Variants in EXOC2 observed in about 807,000 individuals in gnomAD.
EXOC2 encodes SEC5-like 1.
A neutral mutation model predicts 131.8 loss-of-function variants in EXOC2; 70 were observed. That is an observed-to-expected ratio of 0.53 (90% CI 0.44 to 0.65). The LOEUF is 0.65. Ranked by LOEUF, EXOC2 falls within the 30% of genes least tolerant of loss-of-function variation. The probability of loss-of-function intolerance (pLI) is 0.00; values close to 1 mark genes in which losing one functional copy is unlikely to be tolerated. For synonymous variants in EXOC2, 411 were observed against 398.4 expected, an observed-to-expected ratio of 1.03 and a Z score of -0.38; for missense variants, 923 against 1,108.6, an observed-to-expected ratio of 0.83 and a Z score of 2.38.
intron 7 of EXOC2, among the ~76,000 whole-genome samples, chr6:604,262 C>A (rs532384183): frequency 5.9e-5 from 9 of 152,306 alleles, no homozygotes; most frequent in African/African-American, 2.2e-4. Context: ...ATCTGTAAAT[C>A]ACCAATGACT....
At chr6:681,713 G>C (rs1764411979) in intron 1 of EXOC2, among the ~76,000 whole-genome samples, 1 of 152,284 alleles carries the variant, frequency 6.6e-6, no homozygotes, top group East Asian at 1.9e-4. Context: ...CAGTTCTAAT[G>C]AAAAGTGCAA....
intron 21 of EXOC2, among the ~76,000 whole-genome samples, chr6:549,730 A>C (rs1251308261): frequency 6.6e-6 from 1 of 152,244 alleles, no homozygotes; most frequent in Non-Finnish European, 1.5e-5. Context: ...GTAGTTTATA[A>C]ATTTTTATAA....
chr6:488,249 C>T (rs1763202339), intron 27 of EXOC2, among the ~76,000 whole-genome samples: 1 of 152,218 alleles, frequency 6.6e-6, no homozygotes, highest in Non-Finnish European at 1.5e-5. Flanking sequence ...ACTGAGTCTG[C>T]ACTGCATTCA....
intron 1 of EXOC2, among the ~76,000 whole-genome samples, chr6:691,099 C>G (rs763508721): frequency 3.3e-5 from 5 of 152,190 alleles, no homozygotes; most frequent in Non-Finnish European, 7.3e-5. Flanking sequence ...ACCTCTGTAA[C>G]CAGCACTTCC....
intron 6 of EXOC2, 66 bp downstream of exon 6, chr6:617,645 C>T (rs1761081262): frequency 2.5e-6 from 4 of 1,572,828 alleles, no homozygotes; most frequent in African/African-American, 1.4e-5. Context: ...CCTGTAAACA[C>T]CCTGCAGGCA....
chr6:668,654 A>T (rs979231950), intron 1 of EXOC2, among the ~76,000 whole-genome samples: 1 of 152,206 alleles, frequency 6.6e-6, no homozygotes, highest in Non-Finnish European at 1.5e-5. Flanking sequence ...CCATTCAGCC[A>T]GTAAAAGTAG....
At chr6:550,628 C>T (rs923277904) in intron 21 of EXOC2, among the ~76,000 whole-genome samples, 6 of 152,260 alleles carry the variant, frequency 3.9e-5, no homozygotes, top group African/African-American at 7.2e-5. Flanking sequence ...CGTGAATAAA[C>T]GGCCAGAAGG....
intron 23 of EXOC2, among the ~76,000 whole-genome samples, chr6:514,606 A>T (rs1205503132): frequency 6.6e-6 from 1 of 152,150 alleles, no homozygotes; most frequent in African/African-American, 2.4e-5. Flanking sequence ...TGTGCATGTG[A>T]GGCTTTCTTA....
chr6:658,302 G>T (rs747700127), intron 1 of EXOC2, among the ~76,000 whole-genome samples: 1 of 151,890 alleles, frequency 6.6e-6, no homozygotes, highest in Admixed American at 6.6e-5. Flanking sequence ...TTTCAATATC[G>T]AATAGGACAA....
chr6:591,875 G>C (rs1281365373), intron 11 of EXOC2, among the ~76,000 whole-genome samples: 1 of 152,104 alleles, frequency 6.6e-6, no homozygotes, highest in South Asian at 2.1e-4. Context: ...CACACAGGTG[G>C]TCCCTTTCTC....
intron 17 of EXOC2, among the ~76,000 whole-genome samples, chr6:558,609 C>T (rs950589437): frequency 2.6e-5 from 4 of 151,926 alleles, no homozygotes; most frequent in South Asian, 2.1e-4. Flanking sequence ...GTCAGAAGTT[C>T]GAGACCAGCC....
At chr6:525,712 A>C (rs1765699402) in intron 23 of EXOC2, 1 of 152,214 alleles carries the variant, frequency 6.6e-6, no homozygotes, top group South Asian at 2.1e-4. Context: ...GTAGAAAATT[A>C]AAGTTTTCTA....
chr6:657,805 T>G (rs1025303208), intron 1 of EXOC2, among the ~76,000 whole-genome samples: 2 of 152,114 alleles, frequency 1.3e-5, no homozygotes, highest in Non-Finnish European at 2.9e-5. Context: ...TGTGTGTGAA[T>G]TCCATCTTAT....
At chr6:631,936 A>G (rs1264673157) in intron 3 of EXOC2, among the ~76,000 whole-genome samples, 1 of 152,190 alleles carries the variant, frequency 6.6e-6, no homozygotes, top group East Asian at 1.9e-4. Flanking sequence ...GAAAGCCTCT[A>G]TGCTCTAAGA....
intron 1 of EXOC2, among the ~76,000 whole-genome samples, chr6:652,430 C>A (rs1048019054): frequency 1.3e-5 from 2 of 152,012 alleles, no homozygotes; most frequent in Admixed American, 1.3e-4. Flanking sequence ...TGTTTTATCA[C>A]CAAATCTAGT....
chr6:602,408 AT>A, intron 7 of EXOC2, among the ~76,000 whole-genome samples: 5 of 24,882 alleles, frequency 2.0e-4, no homozygotes, highest in South Asian at 2.2e-3. Flanking sequence ...CCGTGTGCGA[AT>A]CCACACACAT....
At chr6:619,601 A>T in intron 4 of EXOC2, 58 bp from the exon 5 acceptor site, 1 of 1,132,818 alleles carries the variant, frequency 8.8e-7, no homozygotes, top group Non-Finnish European at 1.3e-6. Context: ...AAAATGGAAA[A>T]GGTATCACTA....
intron 21 of EXOC2, among the ~76,000 whole-genome samples, chr6:551,363 T>C (rs1757133825): frequency 6.6e-6 from 1 of 152,134 alleles, no homozygotes; most frequent in African/African-American, 2.4e-5. Context: ...GCACCAAATC[T>C]GATGAGATAG....
intron 1 of EXOC2, among the ~76,000 whole-genome samples, chr6:671,912 T>C (rs943046212): frequency 4.0e-5 from 6 of 151,844 alleles, no homozygotes; most frequent in Admixed American, 3.9e-4. Context: ...TTTTTATTTT[T>C]TATTTATTTA....
Sources: gnomAD v4.1 joint callset for allele counts (sites outside exome capture counted in the v4.1 genomes callset) on GRCh38, gnomAD v4.1.1 for gene constraint, MANE v1.5 for transcripts, NCBI Gene and HGNC (gene_info 2026-07-23, HGNC 2026-07-21) for gene names.